Variants in GPR139 observed in about 807,000 individuals in gnomAD.
The protein encoded by GPR139 is probable G protein-coupled receptor 139.
In GPR139, 12 loss-of-function variants were observed where a neutral mutation model predicts 25.8. The observed-to-expected ratio is 0.47, with a 90% CI of 0.30 to 0.75. The LOEUF (loss-of-function observed/expected upper bound fraction) is 0.75, where lower values mean the gene tolerates loss of function less well. GPR139 is among the 30% of genes least tolerant of loss of function. The probability of loss-of-function intolerance (pLI) is 0.07; values close to 1 mark genes in which losing one functional copy is unlikely to be tolerated. For synonymous variants in GPR139, 184 were observed against 179.9 expected, an observed-to-expected ratio of 1.02 and a Z score of -0.18; for missense variants, 380 against 450.2, an observed-to-expected ratio of 0.84 and a Z score of 1.41.
At chr16:20,061,748 T>A (rs781001056) in intron 1 of GPR139, among the ~76,000 whole-genome samples, 1 of 152,154 alleles carries the variant, frequency 6.6e-6, no homozygotes, top group Non-Finnish European at 1.5e-5. Flanking sequence ...AGTCACCTCC[T>A]CCCCACGCCT....
At chr16:20,044,892 A>G (rs1320932626) in intron 1 of GPR139, among the ~76,000 whole-genome samples, 6 of 150,148 alleles carry the variant, frequency 4.0e-5, no homozygotes, top group Non-Finnish European at 5.9e-5. Flanking sequence ...CAGCTTTCCC[A>G]CTCTCCAACA....
chr16:20,035,677 C>G (rs1332558103), intron 1 of GPR139, among the ~76,000 whole-genome samples: 1 of 152,150 alleles, frequency 6.6e-6, no homozygotes, highest in African/African-American at 2.4e-5. Flanking sequence ...AAAATCTTTA[C>G]TGAGATTTGG....
At chr16:20,065,597 C>A (rs56851181) in intron 1 of GPR139, among the ~76,000 whole-genome samples, 4 of 152,052 alleles carry the variant, frequency 2.6e-5, no homozygotes, top group African/African-American at 4.8e-5. Context: ...TGAGGCCAGG[C>A]GCATTGGTCA....
intron 1 of GPR139, among the ~76,000 whole-genome samples, chr16:20,048,812 A>G (rs529145451): frequency 6.6e-6 from 1 of 152,264 alleles, no homozygotes; most frequent in Admixed American, 6.5e-5. Context: ...CACAACCCAC[A>G]AGGTACCTCC....
chr16:20,066,903 C>T (rs2057436415), intron 1 of GPR139, among the ~76,000 whole-genome samples: 1 of 152,140 alleles, frequency 6.6e-6, no homozygotes, highest in South Asian at 2.1e-4. Flanking sequence ...GAGAAATTTG[C>T]CCATGGTCAC....
chr16:20,037,515 T>C (rs1220805161), intron 1 of GPR139, among the ~76,000 whole-genome samples: 1 of 150,844 alleles, frequency 6.6e-6, no homozygotes, highest in Non-Finnish European at 1.5e-5. Flanking sequence ...CAAGTATTTG[T>C]GGGAAAAGGA....
At chr16:20,053,108 G>A (rs1018202703) in intron 1 of GPR139, among the ~76,000 whole-genome samples, 2 of 152,146 alleles carry the variant, frequency 1.3e-5, no homozygotes, top group Non-Finnish European at 2.9e-5. Context: ...TTAGGATTGG[G>A]TTTAGAGACT....
intron 1 of GPR139, among the ~76,000 whole-genome samples, chr16:20,060,985 A>C (rs962573616): frequency 1.5e-4 from 23 of 152,110 alleles, no homozygotes; most frequent in African/African-American, 5.6e-4. Context: ...CACAGCACCA[A>C]GTAGCTCTCT....
chr16:20,043,647 A>G (rs974158445), intron 1 of GPR139, among the ~76,000 whole-genome samples: 4 of 152,214 alleles, frequency 2.6e-5, no homozygotes, highest in African/African-American at 9.6e-5. Flanking sequence ...GGAAACTGGT[A>G]TTCAGAGAGG....
intron 1 of GPR139, among the ~76,000 whole-genome samples, chr16:20,035,086 A>G (rs545567895): frequency 3.9e-5 from 6 of 152,284 alleles, no homozygotes; most frequent in African/African-American, 1.2e-4. Flanking sequence ...GTAAAATTTT[A>G]CTAATTTAGA....
chr16:20,050,724 C>G (rs72772727), intron 1 of GPR139, among the ~76,000 whole-genome samples: 12,412 of 152,228 alleles, frequency 0.082, 593 homozygotes, highest in Non-Finnish European at 0.11. Flanking sequence ...AGGCAATAGG[C>G]AGTCATTGAG....
intron 1 of GPR139, among the ~76,000 whole-genome samples, chr16:20,039,088 G>A (rs1411848936): frequency 2.6e-5 from 4 of 152,144 alleles, no homozygotes; most frequent in African/African-American, 4.8e-5. Flanking sequence ...CAATGGTGTC[G>A]TCAGACAGGT....
rs768243680 is a variant in GPR139 at position 20,032,033 on chromosome 16, G to A, written c.764C>T (p.Ala255Val). Residue 255 changes from alanine to valine, a missense_variant, in exon 2 of 2, where the codon GCG becomes GTG. Coordinates refer to ENST00000570682, the MANE Select transcript of GPR139 (RefSeq NM_001002911.4). ...TACCAGCCAGCGGTTCTGGATGGGC[G>A]CCCCATAGAGGTGGTAAAGAATCAT... ...IIMILYHLYG[A>V]PIQNRWLVHI... The A allele has an allele frequency of 8.7e-6, 14 of 1,614,206 alleles. No individual in the cohort carries two copies. Among genetic ancestry groups the A allele is most frequent in the Non-Finnish European group, 1.1e-5 (13 of 1,180,034 alleles).
intron 1 of GPR139, among the ~76,000 whole-genome samples, chr16:20,055,531 A>T (rs2057385972): frequency 6.6e-6 from 1 of 152,234 alleles, no homozygotes; most frequent in Admixed American, 6.5e-5. Flanking sequence ...CACCCGATGG[A>T]GAATTAGATG....
chr16:20,042,818 C>T (rs546616772), intron 1 of GPR139, among the ~76,000 whole-genome samples: 16 of 152,188 alleles, frequency 1.1e-4, no homozygotes, highest in African/African-American at 3.6e-4. Context: ...TTCTTTGTAT[C>T]TCCCTTTATA....
rs1213751054 is a variant in GPR139, at chr16:20,029,696, G to A, written c.*2039C>T. On this transcript the variant is annotated 3_prime_UTR_variant, in exon 2 of 2. Transcript: ENST00000570682. ...AATGAGCATACGCCCTGGGGAGCGTGGGAGATGGGAGATCTGTCCCTCAGT... is the reference window on the plus strand; with the variant it reads ...AATGAGCATACGCCCTGGGGAGCGTAGGAGATGGGAGATCTGTCCCTCAGT... Among the ~76,000 whole-genome samples, 1 of 152,086 alleles carries A rather than the reference G, an allele frequency of 6.6e-6. No homozygotes were observed. Among genetic ancestry groups the A allele is most frequent in the Non-Finnish European group, 1.5e-5 (1 of 68,016 alleles).
At chr16:20,045,260 A>G (rs1019681088) in intron 1 of GPR139, among the ~76,000 whole-genome samples, 2 of 152,132 alleles carry the variant, frequency 1.3e-5, no homozygotes, top group African/African-American at 2.4e-5. Context: ...TCGGCCTCCC[A>G]AAGTGCTGGG....
In GPR139 at chr16:20,037,720, C is replaced by T. The variant is rs1252573593; in HGVS notation, c.128-5051G>A. ...CAGAGAAAAATGAAAATGGTGACCC[C>T]AGCTCTGTCTGACTTTCTGTCTTAA... On this transcript the variant is annotated intron_variant, in intron 1 of 1. Coordinates refer to ENST00000570682, the MANE Select transcript of GPR139 (RefSeq NM_001002911.4). Among the ~76,000 whole-genome samples the T allele has an allele frequency of 4.6e-5, 7 of 152,294 alleles. No individual in the cohort carries two copies. The East Asian group carries it at 1.4e-3, about 29-fold the overall frequency.
At chr16:20,059,410 C>A (rs551984060) in intron 1 of GPR139, among the ~76,000 whole-genome samples, 1 of 152,152 alleles carries the variant, frequency 6.6e-6, no homozygotes, top group African/African-American at 2.4e-5. Context: ...ACTGGTCTTT[C>A]GTGCCAGCTG....
Sources: allele counts gnomAD v4.1 joint callset (sites outside exome capture counted in the v4.1 genomes callset), GRCh38; gene constraint gnomAD v4.1.1; transcripts MANE v1.5; gene names NCBI Gene and HGNC (gene_info 2026-07-23, HGNC 2026-07-21).